Variants in CENPP observed in about 807,000 individuals in gnomAD.
CENPP encodes centromere protein P.
CENPP carries 24 observed loss-of-function variants against 35.6 expected under a neutral mutation model. The observed-to-expected ratio is 0.67, with a 90% CI of 0.49 to 0.95. The LOEUF is 0.95. CENPP is among the 40% of genes least tolerant of loss of function. The pLI, the probability that CENPP is intolerant of heterozygous loss-of-function variation, is 0.00. For missense variants in CENPP, 332 were observed against 345.3 expected, an observed-to-expected ratio of 0.96 and a Z score of 0.31; for synonymous variants, 120 against 125.5, an observed-to-expected ratio of 0.96 and a Z score of 0.29.
At chr9:92,400,627 A>G (rs1241319197) in intron 5 of CENPP, among the ~76,000 whole-genome samples, 1 of 152,254 alleles carries the variant, frequency 6.6e-6, no homozygotes, top group Non-Finnish European at 1.5e-5. Context: ...TAAGCCAAGT[A>G]CACAGGAATT....
At chr9:92,509,832 A>C (rs1167935728) in intron 5 of CENPP, 1 of 1,473,264 alleles carries the variant, frequency 6.8e-7, no homozygotes, top group Non-Finnish European at 9.0e-7. Flanking sequence ...CAGTAAATAA[A>C]ATTTCTACAG....
At chr9:92,477,654 T>A (rs369220190) in intron 5 of CENPP, among the ~76,000 whole-genome samples, 1 of 152,134 alleles carries the variant, frequency 6.6e-6, no homozygotes, top group South Asian at 2.1e-4. Context: ...CCATGCAGTG[T>A]CACTCGTCAG....
chr9:92,600,835 G>A (rs1850894382), intron 5 of CENPP, among the ~76,000 whole-genome samples: 1 of 152,204 alleles, frequency 6.6e-6, no homozygotes, highest in Admixed American at 6.5e-5. Flanking sequence ...CTCCTCAGCT[G>A]TTCCCAGTTA....
In CENPP at chr9:92,567,653, G is replaced by A. The variant is rs139346899; in HGVS notation, c.565-43661G>A. Among the ~76,000 whole-genome samples, 153 of 152,096 alleles carry A rather than the reference G, an allele frequency of 1.0e-3. 1 individual carries two copies. In the East Asian group the frequency reaches 0.019, roughly 19 times the overall value. On this transcript the variant is annotated intron_variant, in intron 5 of 7. Transcript: ENST00000375587. ...TTTCTACATAATTTAAGAAACTAAT[G>A]TATTTCAAAGAATTTGTAGCTTGTG...
Position 92,613,481 on chromosome 9 carries a change from C to T in CENPP, c.*332C>T. ...AGCCTCACACCGAGTCCACCTTGGACATGGTGGCCACATTACTCAGCTGGG... is the reference window on the plus strand; with the variant it reads ...AGCCTCACACCGAGTCCACCTTGGATATGGTGGCCACATTACTCAGCTGGG... On this transcript the variant is annotated 3_prime_UTR_variant, in exon 8 of 8. Transcript: ENST00000375587. The T allele has an allele frequency of 3.5e-6, 1 of 285,648 alleles. No individual in the cohort carries two copies. Among genetic ancestry groups the T allele is most frequent in the Non-Finnish European group, 6.9e-6 (1 of 145,778 alleles). The allele number at this position is 285,648 out of a possible 1,614,324, so 17.7% of individuals were successfully genotyped here.
At chr9:92,399,657 A>G (rs1843028443) in intron 5 of CENPP, among the ~76,000 whole-genome samples, 1 of 152,086 alleles carries the variant, frequency 6.6e-6, no homozygotes, top group Non-Finnish European at 1.5e-5. Context: ...ATACATTCAG[A>G]TTGCTAATCT....
intron 5 of CENPP, among the ~76,000 whole-genome samples, chr9:92,581,221 G>A (rs1020155800): frequency 3.3e-5 from 5 of 152,100 alleles, no homozygotes; most frequent in Non-Finnish European, 7.4e-5. Flanking sequence ...AGCAGAAAAC[G>A]AGAGGTATAT....
chr9:92,391,418 A>T (rs922517112), intron 5 of CENPP, among the ~76,000 whole-genome samples: 2 of 151,536 alleles, frequency 1.3e-5, no homozygotes, highest in African/African-American at 4.9e-5. Flanking sequence ...AAAAATAAAT[A>T]AATTAAATTA....
chr9:92,516,480 G>A (rs1044860091), intron 5 of CENPP, among the ~76,000 whole-genome samples: 5 of 152,122 alleles, frequency 3.3e-5, no homozygotes, highest in Non-Finnish European at 5.9e-5. Flanking sequence ...TAATTATTTG[G>A]AGAAATTACT....
At chr9:92,523,314 T>C (rs773606448) in intron 5 of CENPP, among the ~76,000 whole-genome samples, 1 of 152,210 alleles carries the variant, frequency 6.6e-6, no homozygotes, top group South Asian at 2.1e-4. Flanking sequence ...AAGGGCCAGA[T>C]AGTAAATATT....
chr9:92,540,402 C>T (rs1304816213), intron 5 of CENPP, among the ~76,000 whole-genome samples: 1 of 148,638 alleles, frequency 6.7e-6, no homozygotes, highest in Admixed American at 6.7e-5. Flanking sequence ...CATGCCACTG[C>T]ACTCCAGCCT....
intron 5 of CENPP, among the ~76,000 whole-genome samples, chr9:92,452,768 A>G (rs1844751399): frequency 6.6e-6 from 1 of 152,124 alleles, no homozygotes; most frequent in South Asian, 2.1e-4. Flanking sequence ...TTATTGCCAC[A>G]ATTTCAGAGT....
chr9:92,428,979 G>C (rs922210289), intron 5 of CENPP, among the ~76,000 whole-genome samples: 6 of 151,972 alleles, frequency 3.9e-5, no homozygotes, highest in Admixed American at 3.9e-4. Context: ...TCTCAATCTT[G>C]TTGTTAGCTA....
chr9:92,495,205 C>G (rs1289982327), intron 5 of CENPP: 2 of 400,070 alleles, frequency 5.0e-6, no homozygotes, highest in Non-Finnish European at 6.8e-6. Context: ...GAGGCCAACA[C>G]TGGCACTTAA....
chr9:92,613,172 G>A lies in CENPP; in HGVS notation c.*23G>A, dbSNP rs376883844. 7 of 1,613,900 alleles carry A rather than the reference G, an allele frequency of 4.3e-6. No individual in the cohort carries two copies. The Middle Eastern group carries it at 6.6e-4, about 152-fold the overall frequency. ...TAGTTCCAAAACAGTGAACGTGGAG[G>A]ATGAAGATGCTGCGTGGAGGAACAT... is the stretch of plus-strand genomic sequence containing the variant. On this transcript the variant is annotated 3_prime_UTR_variant, in exon 8 of 8. Coordinates refer to ENST00000375587, the MANE Select transcript of CENPP (RefSeq NM_001012267.3).
intron 1 of CENPP, among the ~76,000 whole-genome samples, chr9:92,327,439 A>G (rs1039442764): frequency 1.8e-4 from 28 of 152,244 alleles, no homozygotes; most frequent in Admixed American, 6.5e-4. Context: ...GGCTAGGTAT[A>G]CATATTCAAC....
chr9:92,355,648 C>T (rs1293843277), intron 4 of CENPP, among the ~76,000 whole-genome samples: 2 of 152,120 alleles, frequency 1.3e-5, no homozygotes, highest in African/African-American at 2.4e-5. Flanking sequence ...TTCTACTCTT[C>T]GAATTTTACA....
At chr9:92,356,046 A>G (rs956135103) in intron 4 of CENPP, among the ~76,000 whole-genome samples, 7 of 152,212 alleles carry the variant, frequency 4.6e-5, no homozygotes, top group Admixed American at 3.3e-4. Context: ...TTAGTCAACT[A>G]TTTTACTAAC....
At chr9:92,350,361 A>T (rs1186076722) in intron 4 of CENPP, among the ~76,000 whole-genome samples, 2 of 152,224 alleles carry the variant, frequency 1.3e-5, no homozygotes, top group African/African-American at 4.8e-5. Context: ...ACCCACACCC[A>T]CACACAAAAT....
Sources: allele counts gnomAD v4.1 joint callset (sites outside exome capture counted in the v4.1 genomes callset), GRCh38; gene constraint gnomAD v4.1.1; transcripts MANE v1.5; gene names NCBI Gene and HGNC (gene_info 2026-07-23, HGNC 2026-07-21).